ADAMTS18: variants seen among roughly 807,000 people sequenced by gnomAD.
ADAMTS18 encodes A disintegrin and metalloproteinase with thrombospondin motifs 18.
ADAMTS18 carries 157 observed loss-of-function variants against 165.9 expected under a neutral mutation model. That is an observed-to-expected ratio of 0.95 (90% CI 0.83 to 1.08). The LOEUF (loss-of-function observed/expected upper bound fraction) is 1.08. Among genes scored for constraint, ADAMTS18 ranks in the 50% least tolerant of loss-of-function variants. ADAMTS18 has a pLI of 0.00. For synonymous variants in ADAMTS18, 782 were observed against 578.2 expected (o/e 1.35, Z -5.06); for missense variants, 2,040 against 1,534.0 (o/e 1.33, Z -5.51).
intron 14 of ADAMTS18, 97 bp from the exon 15 acceptor site, chr16:77,321,299 AT>A: frequency 1.3e-6 from 2 of 1,511,480 alleles, no homozygotes; most frequent in South Asian, 1.1e-5. Context: ...TTTACAGAAC[AT>A]TAGGGAAGCA....
chr16:77,376,907 C>A (rs532921831), intron 3 of ADAMTS18, among the ~76,000 whole-genome samples: 2 of 150,480 alleles, frequency 1.3e-5, no homozygotes, highest in African/African-American at 2.5e-5. Context: ...CTCTATCTCC[C>A]AGGTTCAAGC....
intron 11 of ADAMTS18, among the ~76,000 whole-genome samples, chr16:77,341,044 T>C (rs779222850): frequency 3.3e-5 from 5 of 152,188 alleles, no homozygotes; most frequent in Non-Finnish European, 7.3e-5. Flanking sequence ...CATTTACTAG[T>C]AGCCCAAATG....
chr16:77,431,021 T>C (rs1046084335), intron 3 of ADAMTS18, among the ~76,000 whole-genome samples: 4 of 152,218 alleles, frequency 2.6e-5, no homozygotes, highest in Non-Finnish European at 4.4e-5. Context: ...ATCCATCAAG[T>C]TAATTTCCTT....
intron 10 of ADAMTS18, among the ~76,000 whole-genome samples, chr16:77,352,425 T>C (rs2056569576): frequency 6.6e-6 from 1 of 152,206 alleles, no homozygotes; most frequent in Admixed American, 6.5e-5. Context: ...TGACTTGTTT[T>C]GTTAAATTCC....
rs973153404 is a variant in ADAMTS18, at chr16:77,363,969, G to A, written c.973-84C>T. On this transcript the variant is annotated intron_variant, in intron 5 of 22. Transcript: ENST00000282849. The stretch of plus-strand genomic sequence containing the variant: ...CAATCAGACATATTGACTGAAGTAC[G>A]CAGGCTTTAATTTTACCAAATATAT... 64 of 1,365,966 alleles carry A rather than the reference G, an allele frequency of 4.7e-5. No individual in the cohort carries two copies. In the Middle Eastern group the frequency reaches 8.9e-4, roughly 19 times the overall value. 84.6% of individuals were successfully genotyped at this position (1,365,966 alleles called of 1,614,324 possible).
chr16:77,353,473 T>C (rs1361706245), intron 10 of ADAMTS18, among the ~76,000 whole-genome samples: 2 of 152,198 alleles, frequency 1.3e-5, no homozygotes, highest in Non-Finnish European at 2.9e-5. Flanking sequence ...CCAGGTTTAC[T>C]AGTAGGGATA....
Position 77,293,177 on chromosome 16 carries a change from G to A in ADAMTS18, c.3088C>T (p.Gln1030Ter). The change falls in exon 20 of 23, where the codon CAG becomes TAG. Residue 1030 changes from glutamine (Q) to a stop codon, truncating the protein, a stop_gained. Coordinates refer to ENST00000282849, the MANE Select transcript of ADAMTS18 (RefSeq NM_199355.4). LOFTEE classifies it high-confidence loss of function. The part of the protein sequence containing the change: ...GSAAETLPES[Q>*]CTSLPRPELQ... Reference sequence around the variant, plus strand: ...TCAGGTCTGGGGAGACTGGTACACTGGCTCTCGGGGAGGGTTTCTGCGGCA... The same window carrying A: ...TCAGGTCTGGGGAGACTGGTACACTAGCTCTCGGGGAGGGTTTCTGCGGCA... 2 of 1,614,000 alleles carry A rather than the reference G, an allele frequency of 1.2e-6. No homozygotes were observed. The highest frequency in any genetic ancestry group is 1.7e-6 in the Non-Finnish European group (2 of 1,179,996).
intron 20 of ADAMTS18, among the ~76,000 whole-genome samples, chr16:77,292,286 C>G (rs1014049979): frequency 6.6e-6 from 1 of 152,062 alleles, no homozygotes; most frequent in Non-Finnish European, 1.5e-5. Context: ...AGAGCAAGAC[C>G]CTGTCTCAAA....
intron 3 of ADAMTS18, among the ~76,000 whole-genome samples, chr16:77,424,344 T>A (rs1232915949): frequency 6.6e-6 from 1 of 152,110 alleles, no homozygotes; most frequent in Non-Finnish European, 1.5e-5. Context: ...AGTGCATGCC[T>A]GTAATCCTAG....
At chr16:77,291,744 G>T (rs1310614732) in intron 20 of ADAMTS18, among the ~76,000 whole-genome samples, 1 of 152,180 alleles carries the variant, frequency 6.6e-6, no homozygotes, top group Non-Finnish European at 1.5e-5. Flanking sequence ...AGGAACCTTG[G>T]GATGCCACAT....
chr16:77,306,517 C>G (rs922880530), intron 16 of ADAMTS18, among the ~76,000 whole-genome samples: 1 of 152,064 alleles, frequency 6.6e-6, no homozygotes, highest in African/African-American at 2.4e-5. Context: ...TTTTAAAATT[C>G]CTTCAGTCAG....
At chr16:77,300,533 C>T (rs1397656929) in intron 16 of ADAMTS18, 129 bp from the exon 17 acceptor site, 2 of 1,056,742 alleles carry the variant, frequency 1.9e-6, no homozygotes, top group Non-Finnish European at 2.9e-6. Flanking sequence ...CTTCATTGTT[C>T]CCAAGTATGT....
chr16:77,346,126 A>C (rs1356088220), intron 10 of ADAMTS18, among the ~76,000 whole-genome samples: 1 of 152,110 alleles, frequency 6.6e-6, no homozygotes, highest in Non-Finnish European at 1.5e-5. Flanking sequence ...TCTTTGCCTA[A>C]ATTTCACCTC....
At chr16:77,381,577 G>A (rs1412139312) in intron 3 of ADAMTS18, among the ~76,000 whole-genome samples, 1 of 152,148 alleles carries the variant, frequency 6.6e-6, no homozygotes, top group East Asian at 1.9e-4. Flanking sequence ...GCCGCGGCAG[G>A]TGGATCACGA....
intron 12 of ADAMTS18, among the ~76,000 whole-genome samples, chr16:77,328,155 A>G (rs2056126883): frequency 6.6e-6 from 1 of 152,136 alleles, no homozygotes; most frequent in Non-Finnish European, 1.5e-5. Flanking sequence ...CTTGGTAGGC[A>G]GATTCTAATC....
intron 12 of ADAMTS18, among the ~76,000 whole-genome samples, chr16:77,334,093 T>TTC (rs2056240293): frequency 2.5e-5 from 1 of 40,760 alleles, no homozygotes; most frequent in Non-Finnish European, 5.0e-5. Flanking sequence ...GTGTTATATA[T>TTC]TATATATAAT....
chr16:77,407,445 A>C (rs1443701730), intron 3 of ADAMTS18, among the ~76,000 whole-genome samples: 1 of 152,094 alleles, frequency 6.6e-6, no homozygotes, highest in Non-Finnish European at 1.5e-5. Context: ...GAATTTTGGT[A>C]GAAATTGGCA....
Position 77,335,809 on chromosome 16 carries a change from G to C in ADAMTS18, c.1806C>G (p.Ser602=), listed in dbSNP as rs1389083735. 6.2e-7 allele frequency: 1 copy of C among 1,614,216 alleles called. No homozygotes were observed. Among genetic ancestry groups the C allele is most frequent in the African/African-American group, 1.3e-5 (1 of 75,050 alleles). ...WSAWSKWSEC[S]RTCGGGVKFQ... ...ACTTGACTCCTCCACCACATGTCCG[G>C]GAACATTCTGACCACTTCGACCAGG... The change falls in exon 12 of 23, where the codon TCC becomes TCG. Residue 602 remains serine (S), a synonymous_variant. Coordinates refer to ENST00000282849, the MANE Select transcript of ADAMTS18 (RefSeq NM_199355.4).
At chr16:77,291,882 G>A (rs17712986) in intron 20 of ADAMTS18, among the ~76,000 whole-genome samples, 12,670 of 152,214 alleles carry the variant, frequency 0.083, 716 homozygotes, top group East Asian at 0.23. Context: ...AAGAGGGTAA[G>A]GGCCAGAGAA....
Sources: allele counts gnomAD v4.1 joint callset (sites outside exome capture counted in the v4.1 genomes callset), GRCh38; gene constraint gnomAD v4.1.1; transcripts MANE v1.5; gene names NCBI Gene and HGNC (gene_info 2026-07-23, HGNC 2026-07-21).